The following RNF213 variants were observed in gnomAD, a reference collection of about 807,000 sequenced individuals.
The protein encoded by RNF213 is E3 ubiquitin-protein ligase RNF213.
RNF213 carries 341 observed loss-of-function variants against 514.4 expected under a neutral mutation model. That is an observed-to-expected ratio of 0.66 (90% CI 0.61 to 0.73). The LOEUF (loss-of-function observed/expected upper bound fraction) is 0.73. Ranked by LOEUF, RNF213 falls within the 30% of genes least tolerant of loss-of-function variation. RNF213 has a pLI of 0.00. For synonymous variants in RNF213, 2,655 were observed against 2,658.2 expected (o/e 1.00, Z 0.04); for missense variants, 5,767 against 6,615.6 (o/e 0.87, Z 4.45).
rs375413426 is a variant in RNF213, at chr17:80,342,743, ATT to A, written c.5990-388_5990-387del. Among the ~76,000 whole-genome samples the A allele has an allele frequency of 5.4e-4, 79 of 145,518 alleles. 1 individual carries two copies. In the South Asian group the frequency reaches 0.015, roughly 27 times the overall value. On this transcript the variant is annotated intron_variant, in intron 26 of 67. Transcript: ENST00000582970. ...GTATGTATATATATATTATATATATATTGTATGTATATATATATTATATATAT... is the reference window on the plus strand; with the variant it reads ...GTATGTATATATATATTATATATATAGTATGTATATATATATTATATATAT...
At chr17:80,382,750 A>T in intron 57 of RNF213, 1 of 447,722 alleles carries the variant, frequency 2.2e-6, no homozygotes, top group Non-Finnish European at 4.1e-6. Flanking sequence ...TGGGTCTAAG[A>T]TTACAATTAT....
chr17:80,324,499 A>G (rs1027837952), intron 17 of RNF213, among the ~76,000 whole-genome samples: 1 of 152,202 alleles, frequency 6.6e-6, no homozygotes, highest in Non-Finnish European at 1.5e-5. Context: ...TAAATGTCAG[A>G]AAGTATCTAT....
intron 10 of RNF213, among the ~76,000 whole-genome samples, chr17:80,297,105 G>A (rs1413129704): frequency 1.3e-5 from 2 of 152,096 alleles, no homozygotes; most frequent in African/African-American, 4.8e-5. Flanking sequence ...AATATCTTTT[G>A]ACTGTAGGAG....
chr17:80,354,002 A>C lies in RNF213; in HGVS notation c.10579-17A>C. The C allele has an allele frequency of 1.2e-6, 2 of 1,613,588 alleles. No individual in the cohort carries two copies. The highest frequency in any genetic ancestry group is 1.7e-6 in the Non-Finnish European group (2 of 1,180,002). ...GTCAGTGGCAGAAACGGATGACCCA[A>C]CCGTCTCCACCAACAGGTGTCGATC... is the stretch of plus-strand genomic sequence containing the variant. On this transcript the variant is annotated splice_polypyrimidine_tract_variant and intron_variant, in intron 34 of 67. Transcript: ENST00000582970.
At chr17:80,391,453 T>C (rs889141665) in intron 67 of RNF213, among the ~76,000 whole-genome samples, 31 of 152,056 alleles carry the variant, frequency 2.0e-4, no homozygotes, top group African/African-American at 6.5e-4. Context: ...TCTATTTTAG[T>C]ACAGAGACGG....
Position 80,339,947 on chromosome 17 carries a change from T to G in RNF213, c.5580T>G (p.Asp1860Glu). ...CAAGCCAGCCCCTGCCCACTTACGA[T>G]GAGGTGCTGCTCTGCACCCCGGCAA... is the stretch of plus-strand genomic sequence containing the variant. ...QTPSQPLPTY[D>E]EVLLCTPATT... The change falls in exon 26 of 68, where the codon GAT becomes GAG. Residue 1860 changes from aspartate to glutamate, a missense_variant. Asp to Glu is a conservative substitution (Grantham distance 45, BLOSUM62 2). Coordinates refer to ENST00000582970, the MANE Select transcript of RNF213 (RefSeq NM_001256071.3). 2.6e-6 allele frequency: 4 copies of G among 1,536,950 alleles called. No individual in the cohort carries two copies. The East Asian group carries it at 9.8e-5, about 38-fold the overall frequency.
chr17:80,289,965 G>A, intron 6 of RNF213, 128 bp downstream of exon 6: 1 of 1,016,668 alleles, frequency 9.8e-7, no homozygotes, highest in Middle Eastern at 3.0e-4. Context: ...GTTTAACTTT[G>A]GGGGAAAAGG....
intron 3 of RNF213, 58 bp downstream of exon 3, chr17:80,273,462 ACTG>A: frequency 6.2e-7 from 1 of 1,600,188 alleles, no homozygotes; most frequent in Non-Finnish European, 8.5e-7. Flanking sequence ...GGAAAATCTC[ACTG>A]CACAGCTGCC....
At chr17:80,265,776 TGGGGG>T (rs2043592117) in intron 2 of RNF213, among the ~76,000 whole-genome samples, 1 of 151,976 alleles carries the variant, frequency 6.6e-6, no homozygotes, top group Non-Finnish European at 1.5e-5. Flanking sequence ...GCTGTTAAAG[TGGGGG>T]CACTTAAGCC....
At chr17:80,277,544 G>A (rs944356949) in intron 3 of RNF213, among the ~76,000 whole-genome samples, 1 of 145,716 alleles carries the variant, frequency 6.9e-6, no homozygotes, top group Non-Finnish European at 1.5e-5. Flanking sequence ...GTTGCAGTGA[G>A]CCGAGATTGA....
chr17:80,380,714 A>C, intron 55 of RNF213, 117 bp from the exon 56 acceptor site: 2 of 1,191,144 alleles, frequency 1.7e-6, no homozygotes, highest in Admixed American at 3.5e-5. Flanking sequence ...TGGAACAGCA[A>C]GTACTCTTCA....
chr17:80,294,415 C>A (rs1174046133), intron 8 of RNF213, among the ~76,000 whole-genome samples: 1 of 152,204 alleles, frequency 6.6e-6, no homozygotes. Context: ...ATCAAGTTTG[C>A]TGAGCTACAT....
In RNF213 at chr17:80,319,900, C is replaced by T. The variant is rs1009717825; in HGVS notation, c.3024+588C>T. On this transcript the variant is annotated intron_variant, in intron 17 of 67. Transcript: ENST00000582970. ...TAACCCCTGTACAAGCACAGCCTTG[C>T]GGCCACAGGGGAAGTCCAGAAACAT... 4.7e-6 allele frequency: 5 copies of T among 1,067,828 alleles called. No individual in the cohort carries two copies. The South Asian group carries it at 9.2e-5, about 20-fold the overall frequency. The allele number at this position is 1,067,828 out of a possible 1,614,324, so 66.1% of individuals were successfully genotyped here. A position where few individuals can be genotyped will look rare whatever the true frequency, so the allele number is the denominator to read the frequency against.
chr17:80,358,252 T>A (rs779571493), intron 36 of RNF213, 36 bp from the exon 37 acceptor site: 1 of 1,603,486 alleles, frequency 6.2e-7, no homozygotes. Context: ...CTGGTTCCTC[T>A]GACCCGTGGT....
chr17:80,335,993 A>G (rs1344146992), intron 22 of RNF213, among the ~76,000 whole-genome samples, 168 bp from the exon 23 acceptor site: 3 of 144,874 alleles, frequency 2.1e-5, no homozygotes, highest in African/African-American at 7.7e-5. Context: ...AAAAAAAAAA[A>G]CTACAAAAGA....
At position 80,363,459 on chromosome 17, in the gene RNF213, C is replaced by T; in HGVS notation, c.11568+145C>T. On this transcript the variant is annotated intron_variant, in intron 40 of 67. Coordinates refer to ENST00000582970, the MANE Select transcript of RNF213 (RefSeq NM_001256071.3). ...TAGCTGAATTCAGAGATGTTAAGGACACATCTCGCTGACGCTTCTCACATC... is the reference window on the plus strand; with the variant it reads ...TAGCTGAATTCAGAGATGTTAAGGATACATCTCGCTGACGCTTCTCACATC... The T allele has an allele frequency of 4.2e-6, 5 of 1,182,680 alleles. 1 individual carries two copies. The South Asian group carries it at 5.0e-5, about 12-fold the overall frequency. The allele number at this position is 1,182,680 out of a possible 1,614,324, so 73.3% of individuals were successfully genotyped here.
In RNF213 at chr17:80,328,391, G is replaced by C. The variant is rs2046333248; in HGVS notation, c.3431G>C (p.Arg1144Thr). The change falls in exon 20 of 68, where the codon AGG becomes ACG. Residue 1144 changes from arginine to threonine, a missense_variant. Arg to Thr is a moderately conservative substitution (Grantham distance 71, BLOSUM62 -1). Around this residue, in one of 13 missense-constraint regions of RNF213, gnomAD observed 516 missense variants for 566.5 expected, o/e 0.91. Coordinates refer to ENST00000582970, the MANE Select transcript of RNF213 (RefSeq NM_001256071.3). ...GTGGAGGAAGCACTGGATTGGAGAAGGGAGGAACTGTTACTTCTAAAGAAA... is the reference window on the plus strand; with the variant it reads ...GTGGAGGAAGCACTGGATTGGAGAACGGAGGAACTGTTACTTCTAAAGAAA... ...CAVEEALDWRREELLLLKKEK... is the reference protein window; with the variant it reads ...CAVEEALDWRTEELLLLKKEK... 1 of 1,537,108 alleles carries C rather than the reference G, an allele frequency of 6.5e-7. No homozygotes were observed. Among genetic ancestry groups the C allele is most frequent in the Non-Finnish European group, 8.7e-7 (1 of 1,146,904 alleles).
chr17:80,336,152 C>G lies in RNF213; in HGVS notation c.4310-9C>G. On this transcript the variant is annotated splice_polypyrimidine_tract_variant and intron_variant, in intron 22 of 67. Transcript: ENST00000582970. Reference sequence around the variant, plus strand: ...GTCCCACGCTGAACTCCCCTCTTCTCTTCCCCAGGCATCAATGAGCTGAAG... The same window carrying G: ...GTCCCACGCTGAACTCCCCTCTTCTGTTCCCCAGGCATCAATGAGCTGAAG... 6.5e-7 allele frequency: 1 copy of G among 1,536,342 alleles called. No homozygotes were observed. Among genetic ancestry groups the G allele is most frequent in the South Asian group, 1.2e-5 (1 of 84,044 alleles).
intron 49 of RNF213, among the ~76,000 whole-genome samples, chr17:80,373,896 G>A (rs1230815815): frequency 2.0e-5 from 3 of 152,002 alleles, no homozygotes; most frequent in Non-Finnish European, 2.9e-5. Flanking sequence ...CCAGCTAGTC[G>A]GGAGGCTGAG....
Sources: allele counts gnomAD v4.1 joint callset (sites outside exome capture counted in the v4.1 genomes callset), GRCh38; gene constraint gnomAD v4.1.1; regional missense constraint gnomAD v4.1.1; transcripts MANE v1.5; gene names NCBI Gene and HGNC (gene_info 2026-07-23, HGNC 2026-07-21).